The following ARV1 variants were observed in gnomAD, a reference collection of about 807,000 sequenced individuals.
The protein encoded by ARV1 is ARV1 fatty acid homeostasis modulator.
Under a neutral mutation model 31.1 loss-of-function variants are expected in ARV1, and 26 were observed. The ratio of observed to expected loss-of-function variants is 0.84; its 90% CI spans 0.61 to 1.16. ARV1 has a LOEUF of 1.16. ARV1 is among the 50% of genes most tolerant of loss of function. The pLI, the probability that ARV1 is intolerant of heterozygous loss-of-function variation, is 0.00. For synonymous variants in ARV1, 117 were observed against 123.2 expected (o/e 0.95, Z 0.34); for missense variants, 281 against 324.9 (o/e 0.86, Z 1.04).
chr1:230,984,363 C>CGCGT (rs1191353620), intron 1 of ARV1, among the ~76,000 whole-genome samples: 37 of 129,836 alleles, frequency 2.8e-4, no homozygotes, highest in Admixed American at 4.7e-4. Context: ...TGTGTGTGTG[C>CGCGT]GTGTGTGTGT....
intron 1 of ARV1, among the ~76,000 whole-genome samples, chr1:230,980,170 C>CT (rs1478125133): frequency 6.6e-6 from 1 of 152,174 alleles, no homozygotes; most frequent in Non-Finnish European, 1.5e-5. Context: ...CTCTCAAGTA[C>CT]TTTCCCTCTT....
intron 1 of ARV1, among the ~76,000 whole-genome samples, chr1:230,979,855 T>C (rs1678798614): frequency 6.6e-6 from 1 of 152,178 alleles, no homozygotes; most frequent in African/African-American, 2.4e-5. Context: ...ATCCCTGAAC[T>C]GGCTTATAAG....
chr1:230,995,579 A>AT (rs200072923), intron 3 of ARV1, among the ~76,000 whole-genome samples, 181 bp from the exon 4 acceptor site: 49 of 133,838 alleles, frequency 3.7e-4, no homozygotes, highest in Non-Finnish European at 6.6e-4. Flanking sequence ...CCAGGGGTTT[A>AT]TTTAAAAAAA....
intron 5 of ARV1, among the ~76,000 whole-genome samples, chr1:230,999,468 T>C (rs1679464520): frequency 1.3e-5 from 2 of 152,194 alleles, no homozygotes; most frequent in South Asian, 4.1e-4. Flanking sequence ...GAGTTTCTTG[T>C]GTCTTTCTGA....
At chr1:230,985,245 G>T (rs576256661) in intron 1 of ARV1, among the ~76,000 whole-genome samples, 98 of 152,264 alleles carry the variant, frequency 6.4e-4, no homozygotes, top group Admixed American at 1.8e-3. Context: ...AAAGCACACA[G>T]CATATCACAT....
Position 230,979,219 on chromosome 1 carries a change from C to T in ARV1, c.114C>T (p.Asn38=). ...GCCAGTACAGGTGCATCGAATGCAA[C>T]CAGGAGGCCAAAGAGTTGTACCGAG... ...ASCQYRCIEC[N]QEAKELYRDY... Residue 38 remains asparagine (N), a synonymous_variant, in exon 1 of 6, where the codon AAC becomes AAT. Coordinates refer to ENST00000310256, the MANE Select transcript of ARV1 (RefSeq NM_022786.3). 1.2e-6 allele frequency: 2 copies of T among 1,613,460 alleles called. No homozygotes were observed. Among genetic ancestry groups the T allele is most frequent in the South Asian group, 2.2e-5 (2 of 90,964 alleles).
In ARV1 at chr1:230,988,449, G is replaced by T; in HGVS notation, c.294+10G>T. On this transcript the variant is annotated intron_variant, in intron 2 of 5. Transcript: ENST00000310256. ...CAATACTCAAATAAATGTAAGTTGT[G>T]ATAATTTCATTTTTTAATTTTATTT... The T allele has an allele frequency of 6.7e-7, 1 of 1,501,640 alleles. No homozygotes were observed. Among genetic ancestry groups the T allele is most frequent in the South Asian group, 1.4e-5 (1 of 72,618 alleles). 93.0% of individuals were successfully genotyped at this position (1,501,640 alleles called of 1,614,324 possible).
chr1:230,984,359 T>TGTGTGTGC (rs71179756), intron 1 of ARV1, among the ~76,000 whole-genome samples: 1,239 of 93,504 alleles, frequency 0.013, 8 homozygotes, highest in Non-Finnish European at 0.02. Context: ...TGTGTGTGTG[T>TGTGTGTGC]GTGCGTGTGT....
At chr1:230,981,542 G>A (rs1185659754) in intron 1 of ARV1, among the ~76,000 whole-genome samples, 2 of 152,102 alleles carry the variant, frequency 1.3e-5, no homozygotes, top group Admixed American at 1.3e-4. Flanking sequence ...CACTACTCCT[G>A]CTGCTACAAT....
At chr1:230,990,289 C>G in intron 3 of ARV1, 26 bp downstream of exon 3, 1 of 1,610,508 alleles carries the variant, frequency 6.2e-7, no homozygotes, top group Non-Finnish European at 8.5e-7. Flanking sequence ...GCTTTCCATT[C>G]TTAGTTAACT....
At chr1:230,983,971 T>G (rs150745808) in intron 1 of ARV1, among the ~76,000 whole-genome samples, 1 of 152,344 alleles carries the variant, frequency 6.6e-6, no homozygotes, top group East Asian at 1.9e-4. Flanking sequence ...GCGTGATGAT[T>G]CACACCTATA....
intron 1 of ARV1, among the ~76,000 whole-genome samples, chr1:230,983,315 G>A (rs975063998): frequency 2.0e-5 from 3 of 151,574 alleles, no homozygotes; most frequent in African/African-American, 4.9e-5. Flanking sequence ...GGGAGGCTGA[G>A]GCAGGAGAAT....
chr1:230,995,207 T>C (rs2103055349), intron 3 of ARV1, among the ~76,000 whole-genome samples: 1 of 152,354 alleles, frequency 6.6e-6, no homozygotes, highest in Admixed American at 6.5e-5. Flanking sequence ...CTCTGTCCTA[T>C]GAATACTTTC....
At chr1:230,997,547 A>T (rs1008077477) in intron 5 of ARV1, among the ~76,000 whole-genome samples, 2 of 151,898 alleles carry the variant, frequency 1.3e-5, no homozygotes, top group South Asian at 4.2e-4. Flanking sequence ...CACCCATTCT[A>T]CTAGGATTGC....
chr1:230,982,193 C>T (rs1678929750), intron 1 of ARV1, among the ~76,000 whole-genome samples: 1 of 152,198 alleles, frequency 6.6e-6, no homozygotes, highest in Non-Finnish European at 1.5e-5. Flanking sequence ...ATAAATGTAT[C>T]ACTTCCAGGT....
intron 1 of ARV1, among the ~76,000 whole-genome samples, chr1:230,981,286 C>T (rs1406292054): frequency 1.3e-5 from 2 of 152,156 alleles, no homozygotes; most frequent in East Asian, 3.8e-4. Flanking sequence ...ATTTATATTT[C>T]TACCCTGAAC....
chr1:230,990,461 A>C, intron 3 of ARV1, 198 bp downstream of exon 3: 1 of 582,754 alleles, frequency 1.7e-6, no homozygotes, highest in Non-Finnish European at 2.9e-6. Flanking sequence ...ATTTGTTACC[A>C]CGTATATGGT....
intron 4 of ARV1, 114 bp from the exon 5 acceptor site, chr1:230,997,007 C>T: frequency 7.7e-7 from 1 of 1,293,776 alleles, no homozygotes; most frequent in Non-Finnish European, 1.1e-6. Flanking sequence ...TTAATAAGAA[C>T]AAACATTGAT....
chr1:230,995,407 C>G (rs1351152006), intron 3 of ARV1, among the ~76,000 whole-genome samples: 1 of 152,120 alleles, frequency 6.6e-6, no homozygotes, highest in Non-Finnish European at 1.5e-5. Context: ...CCTGCATTCT[C>G]CTGTTTTATT....
Sources: allele counts gnomAD v4.1 joint callset (sites outside exome capture counted in the v4.1 genomes callset), GRCh38; gene constraint gnomAD v4.1.1; transcripts MANE v1.5; gene names NCBI Gene and HGNC (gene_info 2026-07-23, HGNC 2026-07-21).